The following TNFAIP8 variants were observed in gnomAD, a reference collection of about 807,000 sequenced individuals.
The protein encoded by TNFAIP8 is TNF alpha induced protein 8.
TNFAIP8 carries 7 observed loss-of-function variants against 13.3 expected under a neutral mutation model. The observed-to-expected ratio is 0.52, with a 90% CI of 0.30 to 0.99. TNFAIP8 has a LOEUF of 0.99. TNFAIP8 is among the 50% of genes least tolerant of loss of function. The pLI, the probability that TNFAIP8 is intolerant of heterozygous loss-of-function variation, is 0.07. For synonymous variants in TNFAIP8, 94 were observed against 87.6 expected (o/e 1.07, Z -0.41); for missense variants, 258 against 236.9 (o/e 1.09, Z -0.58).
At chr5:119,273,138 C>G (rs148644575) in intron 1 of TNFAIP8, among the ~76,000 whole-genome samples, 1 of 152,360 alleles carries the variant, frequency 6.6e-6, no homozygotes, top group East Asian at 1.9e-4. Flanking sequence ...TGGCTTTGGA[C>G]AATCTACTTA....
intron 1 of TNFAIP8, chr5:119,269,001 T>G: frequency 1.6e-6 from 1 of 624,434 alleles, no homozygotes; most frequent in Non-Finnish European, 2.8e-6. Context: ...CGCCTCCGGC[T>G]CAGAGAGTTT....
intron 1 of TNFAIP8, among the ~76,000 whole-genome samples, chr5:119,368,576 T>C: frequency 6.6e-6 from 1 of 152,118 alleles, no homozygotes; most frequent in East Asian, 1.9e-4. Flanking sequence ...AACTTTCTTT[T>C]TCTGAAGACT....
chr5:119,337,804 C>T (rs1403527615), intron 1 of TNFAIP8, among the ~76,000 whole-genome samples: 24 of 152,158 alleles, frequency 1.6e-4, no homozygotes, highest in Admixed American at 1.6e-3. Flanking sequence ...TTAAAGTTGC[C>T]ACCAAAGAAA....
chr5:119,387,661 A>G (rs149492842), intron 1 of TNFAIP8, among the ~76,000 whole-genome samples: 276 of 152,276 alleles, frequency 1.8e-3, no homozygotes, highest in Middle Eastern at 3.4e-3. Context: ...GGGTCAGTAT[A>G]TTTTAACCAT....
chr5:119,295,415 G>A (rs1749144586), intron 1 of TNFAIP8, among the ~76,000 whole-genome samples: 1 of 151,742 alleles, frequency 6.6e-6, no homozygotes, highest in Non-Finnish European at 1.5e-5. Flanking sequence ...GTTTATCTCA[G>A]GTTTGTCAAA....
In TNFAIP8 at chr5:119,393,478, A is replaced by G; in HGVS notation, c.*97A>G. 8.7e-7 allele frequency: 1 copy of G among 1,146,108 alleles called. No homozygotes were observed. The highest frequency in any genetic ancestry group is 1.2e-6 in the Non-Finnish European group (1 of 812,864). The allele number at this position is 1,146,108 out of a possible 1,614,324, so 71.0% of individuals were successfully genotyped here. ...AAGAAGAATTTTCTAAAGATTACAC[A>G]TATTTCAGAAAGACTTTACCCAATT... On this transcript the variant is annotated 3_prime_UTR_variant, in exon 2 of 2. Coordinates refer to ENST00000504771, the MANE Select transcript of TNFAIP8 (RefSeq NM_014350.4).
At position 119,398,968 on chromosome 5, in the gene TNFAIP8, CCTG is replaced by C. The variant is rs1753135499; in HGVS notation, c.*5590_*5592del. 6.6e-6 allele frequency: 1 copy of C among 152,146 alleles called. No individual in the cohort carries two copies. The highest frequency in any genetic ancestry group is 1.5e-5 in the Non-Finnish European group (1 of 68,036). 9.4% of individuals were successfully genotyped at this position (152,146 alleles called of 1,614,324 possible). On this transcript the variant is annotated 3_prime_UTR_variant, in exon 2 of 2. Transcript: ENST00000504771. ...ATTGGTTTTCACTAAAGGATAAATA[CCTG>C]CTAAGCAAATTATAAAATACTATAA... is the stretch of plus-strand genomic sequence containing the variant.
intron 1 of TNFAIP8, among the ~76,000 whole-genome samples, chr5:119,369,857 C>T (rs1300742039): frequency 6.6e-6 from 1 of 152,168 alleles, no homozygotes; most frequent in Non-Finnish European, 1.5e-5. Flanking sequence ...TGTTCTCACG[C>T]CTAAAGTCAG....
rs139744088 is a variant in TNFAIP8, at chr5:119,392,476, C to T, written c.32-340C>T. 4.2e-3 allele frequency among the ~76,000 whole-genome samples: 632 copies of T among 152,148 alleles called. 1 individual carries two copies. The highest frequency in any genetic ancestry group is 0.014 in the African/African-American group (582 of 41,504). On this transcript the variant is annotated intron_variant, in intron 1 of 1. Transcript: ENST00000504771. ...AGCAATCTCAGCTCACTGCAGCCTC[C>T]GCCTCCTGGGTTCAAGCGATTCTTC...
intron 1 of TNFAIP8, among the ~76,000 whole-genome samples, chr5:119,340,086 G>C (rs548692516): frequency 2.6e-5 from 4 of 152,298 alleles, no homozygotes; most frequent in African/African-American, 9.6e-5. Flanking sequence ...AAGTCACAGT[G>C]ACACAAGAAA....
intron 1 of TNFAIP8, chr5:119,391,217 G>A (rs928561074): frequency 1.9e-6 from 1 of 531,798 alleles, no homozygotes; most frequent in Non-Finnish European, 3.4e-6. Context: ...GGATTTTGAA[G>A]CAGCTGCCTT....
chr5:119,326,704 C>T (rs1750237908), intron 1 of TNFAIP8, among the ~76,000 whole-genome samples: 1 of 152,096 alleles, frequency 6.6e-6, no homozygotes, highest in Admixed American at 6.5e-5. Context: ...ACAGGAAGTT[C>T]AGGCCAGAGG....
chr5:119,394,372 CTT>C lies in TNFAIP8; in HGVS notation c.*996_*997del, dbSNP rs1244746146. On this transcript the variant is annotated 3_prime_UTR_variant, in exon 2 of 2. Coordinates refer to ENST00000504771, the MANE Select transcript of TNFAIP8 (RefSeq NM_014350.4). ...TAAGAAGGCTTGATAAAGAATGTCA[CTT>C]TTTTATTTAACTGATAAGATTTTTG... 6 of 152,112 alleles carry C rather than the reference CTT, an allele frequency of 3.9e-5. No homozygotes were observed. Among genetic ancestry groups the C allele is most frequent in the Non-Finnish European group, 8.8e-5 (6 of 68,026 alleles). The allele number at this position is 152,112 out of a possible 1,614,324, so 9.4% of individuals were successfully genotyped here. A position where few individuals can be genotyped will look rare whatever the true frequency, so the allele number is the denominator to read the frequency against.
At chr5:119,292,630 G>A in intron 1 of TNFAIP8, among the ~76,000 whole-genome samples, 1 of 104,440 alleles carries the variant, frequency 9.6e-6, no homozygotes, top group Non-Finnish European at 1.9e-5. Context: ...ATTAGTGAAT[G>A]AATAATCAAT....
intron 1 of TNFAIP8, among the ~76,000 whole-genome samples, chr5:119,293,822 T>C (rs938294103): frequency 6.6e-6 from 1 of 152,218 alleles, no homozygotes; most frequent in Non-Finnish European, 1.5e-5. Flanking sequence ...ATTATACTCT[T>C]TCTACTTTCA....
chr5:119,371,872 T>TC (rs1752085575), intron 1 of TNFAIP8, among the ~76,000 whole-genome samples: 1 of 151,450 alleles, frequency 6.6e-6, no homozygotes, highest in Admixed American at 6.6e-5. Context: ...GCGTGGTGGC[T>TC]CACACCTGTA....
chr5:119,348,838 C>T lies in TNFAIP8; in HGVS notation c.2-43978C>T, dbSNP rs1437759697. On this transcript the variant is annotated intron_variant, in intron 1 of 1. Transcript: ENST00000274456. ...GACGTTGCAGTGAGCTGAGATTGCA[C>T]CACTGCACTCTAGACTAGGCAACCA... 8.2e-5 allele frequency among the ~76,000 whole-genome samples: 12 copies of T among 146,160 alleles called. No homozygotes were observed. In the Admixed American group the frequency reaches 8.5e-4, roughly 10 times the overall value.
chr5:119,334,331 A>G (rs1351248768), intron 1 of TNFAIP8, among the ~76,000 whole-genome samples: 2 of 152,260 alleles, frequency 1.3e-5, no homozygotes, highest in South Asian at 2.1e-4. Context: ...ATTGGTATTT[A>G]TACACTTTTG....
At chr5:119,275,460 A>G (rs1287898365) in intron 1 of TNFAIP8, among the ~76,000 whole-genome samples, 2 of 152,202 alleles carry the variant, frequency 1.3e-5, no homozygotes, top group Non-Finnish European at 2.9e-5. Flanking sequence ...TGTTTGGAAG[A>G]GCACGGGCCC....
Sources: gnomAD v4.1 joint callset for allele counts (sites outside exome capture counted in the v4.1 genomes callset) on GRCh38, gnomAD v4.1.1 for gene constraint, MANE v1.5 for transcripts, NCBI Gene and HGNC (gene_info 2026-07-23, HGNC 2026-07-21) for gene names.